The following RAB38 variants were observed in gnomAD, a reference collection of about 807,000 sequenced individuals.
The protein encoded by RAB38 is RAB38, member RAS oncogene family, also known as ras-related protein Rab-38.
Under a neutral mutation model 18.4 loss-of-function variants are expected in RAB38, and 15 were observed. The observed-to-expected ratio is 0.82, with a 90% CI of 0.55 to 1.26. The LOEUF is 1.26. Ranked by LOEUF, RAB38 falls within the 50% of genes most tolerant of loss-of-function variation. The pLI, the probability that RAB38 is intolerant of heterozygous loss-of-function variation, is 0.00. For synonymous variants in RAB38, 101 were observed against 104.4 expected (o/e 0.97, Z 0.20); for missense variants, 294 against 267.4 (o/e 1.10, Z -0.69).
At chr11:87,977,162 T>TA in the RAB38 span, among the ~76,000 whole-genome samples, 22 of 11,176 alleles carry the variant, frequency 2.0e-3, 8 homozygotes, top group African/African-American at 5.6e-3. Flanking sequence ...TATTATAAAA[T>TA]TATATTATAC....
At chr11:88,091,982 A>G in the RAB38 span, among the ~76,000 whole-genome samples, 1 of 151,804 alleles carries the variant, frequency 6.6e-6, no homozygotes, top group Admixed American at 6.6e-5. Flanking sequence ...GAAAAAGGCA[A>G]TAATTTTTGG....
the RAB38 span, among the ~76,000 whole-genome samples, chr11:87,812,734 G>A: frequency 1.3e-5 from 2 of 152,104 alleles, no homozygotes; most frequent in African/African-American, 4.8e-5. Context: ...TGTGTAAAAC[G>A]CCGAAAGATT....
chr11:87,865,145 A>T, the RAB38 span, among the ~76,000 whole-genome samples: 1 of 151,682 alleles, frequency 6.6e-6, no homozygotes, highest in Non-Finnish European at 1.5e-5. Context: ...GGGAAGATGA[A>T]CTTGAAGAAA....
the RAB38 span, among the ~76,000 whole-genome samples, chr11:87,963,099 A>C: frequency 6.6e-6 from 1 of 152,320 alleles, no homozygotes; most frequent in South Asian, 2.1e-4. Context: ...AATTTGATAT[A>C]AGTTGCATTA....
chr11:87,888,528 G>A, the RAB38 span, among the ~76,000 whole-genome samples: 3 of 151,962 alleles, frequency 2.0e-5, no homozygotes, highest in Non-Finnish European at 2.9e-5. Flanking sequence ...AAGATAATCC[G>A]TGCCTTGAAA....
the RAB38 span, among the ~76,000 whole-genome samples, chr11:87,845,352 A>C: frequency 6.6e-6 from 1 of 152,310 alleles, no homozygotes; most frequent in Admixed American, 6.5e-5. Context: ...AAAGCCTCAC[A>C]CATGTGAGGT....
At chr11:88,031,268 C>T in the RAB38 span, among the ~76,000 whole-genome samples, 2,546 of 151,586 alleles carry the variant, frequency 0.017, 67 homozygotes, top group African/African-American at 0.058. Context: ...CCACAGCCAA[C>T]ATCATACTGA....
chr11:87,891,952 T>C, the RAB38 span, among the ~76,000 whole-genome samples: 1 of 151,898 alleles, frequency 6.6e-6, no homozygotes, highest in Non-Finnish European at 1.5e-5. Context: ...TGTGATATAG[T>C]AATTGTTTGA....
the RAB38 span, among the ~76,000 whole-genome samples, chr11:88,077,033 A>AAAAGAAAAGAAAAGAAAAGAAAGC: frequency 7.8e-4 from 85 of 109,302 alleles, 2 homozygotes; most frequent in African/African-American, 1.6e-3. Flanking sequence ...GAAAAGAAAG[A>AAAAGAAAAGAAAAGAAAAGAAAGC]AAGCAAGCAA....
the RAB38 span, among the ~76,000 whole-genome samples, chr11:88,070,611 G>A: frequency 6.6e-6 from 1 of 152,192 alleles, no homozygotes; most frequent in African/African-American, 2.4e-5. Flanking sequence ...AAGAGAAAAT[G>A]CTCAGAGAAC....
At chr11:87,888,735 A>G in the RAB38 span, among the ~76,000 whole-genome samples, 1 of 151,928 alleles carries the variant, frequency 6.6e-6, no homozygotes, top group East Asian at 2.0e-4. Flanking sequence ...ATGAGGAGCA[A>G]TAAGCTGTGG....
the RAB38 span, among the ~76,000 whole-genome samples, chr11:88,017,094 G>A: frequency 2.0e-5 from 3 of 152,020 alleles, no homozygotes; most frequent in African/African-American, 7.2e-5. Flanking sequence ...TGAAGGAGGA[G>A]CAGCAGCTTG....
At chr11:87,815,534 A>T in the RAB38 span, 1 of 152,160 alleles carries the variant, frequency 6.6e-6, no homozygotes, top group African/African-American at 2.4e-5. Flanking sequence ...TCCGTGAAGG[A>T]TTGTTAGATC....
the RAB38 span, among the ~76,000 whole-genome samples, chr11:87,895,989 G>A: frequency 2.6e-5 from 4 of 151,560 alleles, no homozygotes; most frequent in Non-Finnish European, 5.9e-5. Flanking sequence ...ATTTAAGCCT[G>A]CGTATTATTC....
the RAB38 span, among the ~76,000 whole-genome samples, chr11:88,067,938 C>CAT: frequency 7.0e-4 from 103 of 146,600 alleles, 1 homozygote; most frequent in African/African-American, 2.3e-3. Flanking sequence ...TACACACACA[C>CAT]ATATATATAC....
At chr11:87,926,912 C>G in the RAB38 span, among the ~76,000 whole-genome samples, 1 of 151,930 alleles carries the variant, frequency 6.6e-6, no homozygotes, top group Non-Finnish European at 1.5e-5. Flanking sequence ...TCTAGAATAG[C>G]AACAGTGGTA....
At chr11:87,839,151 T>G in the RAB38 span, among the ~76,000 whole-genome samples, 1 of 152,224 alleles carries the variant, frequency 6.6e-6, no homozygotes, top group Non-Finnish European at 1.5e-5. Context: ...ATTTTGCTGT[T>G]AGAAAGTAAA....
downstream of RAB38, among the ~76,000 whole-genome samples, chr11:88,109,586 C>A (rs967862993): frequency 6.6e-6 from 1 of 152,160 alleles, no homozygotes; most frequent in Non-Finnish European, 1.5e-5. Flanking sequence ...GAACAGGCAA[C>A]CTACAGAATG....
chr11:87,831,085 G>C, the RAB38 span, among the ~76,000 whole-genome samples: 1 of 152,168 alleles, frequency 6.6e-6, no homozygotes, highest in Admixed American at 6.5e-5. Flanking sequence ...GGGACTACAG[G>C]TGTGAGCTAC....
Sources: gnomAD v4.1 joint callset for allele counts (sites outside exome capture counted in the v4.1 genomes callset) on GRCh38, gnomAD v4.1.1 for gene constraint, MANE v1.5 for transcripts, NCBI Gene and HGNC (gene_info 2026-07-23, HGNC 2026-07-21) for gene names.